OTUD4: variants seen among roughly 807,000 people sequenced by gnomAD.
OTUD4 encodes the protein OTU domain-containing protein 4.
A neutral mutation model predicts 130.4 loss-of-function variants in OTUD4; 24 were observed. That is an observed-to-expected ratio of 0.18 (90% CI 0.13 to 0.26). OTUD4 has a LOEUF of 0.26. Ranked by LOEUF, OTUD4 falls within the 10% of genes least tolerant of loss-of-function variation. The pLI, the probability that OTUD4 is intolerant of heterozygous loss-of-function variation, is 1.00. For synonymous variants in OTUD4, 420 were observed against 472.5 expected, an observed-to-expected ratio of 0.89 and a Z score of 1.44; for missense variants, 1,031 against 1,329.4, an observed-to-expected ratio of 0.78 and a Z score of 3.49.
At chr4:145,171,816 T>C (rs1560999698) in intron 2 of OTUD4, 96 bp from the exon 3 acceptor site, 3 of 716,950 alleles carry the variant, frequency 4.2e-6, no homozygotes, top group Non-Finnish European at 5.1e-6. Context: ...ATTACTGAGT[T>C]TGTACATAAA....
chr4:145,164,190 A>G lies in OTUD4; in HGVS notation c.378T>C (p.Ser126=). Residue 126 remains serine (S), a synonymous_variant, in exon 5 of 21, where the codon TCT becomes TCC. Coordinates refer to ENST00000447906, the MANE Select transcript of OTUD4 (RefSeq NM_001366057.1). ...AATTATTTTCTGTTACTTGTGAAGG[A>G]GAAACATTTGGTTCCCGATAAATTA... is the stretch of plus-strand genomic sequence containing the variant. ...DFIIYREPNV[S]PSQVTENNFP... 1 of 1,442,300 alleles carries G rather than the reference A, an allele frequency of 6.9e-7. No individual in the cohort carries two copies. The highest frequency in any genetic ancestry group is 9.6e-7 in the Non-Finnish European group (1 of 1,045,168). The allele number at this position is 1,442,300 out of a possible 1,614,324, so 89.3% of individuals were successfully genotyped here. A position where few individuals can be genotyped will look rare whatever the true frequency, so the allele number is the denominator to read the frequency against.
Position 145,142,318 on chromosome 4 carries a change from A to G in OTUD4, c.1700T>C (p.Val567Ala). The part of the protein sequence containing the change: ...SPAEQKPAEH[V>A]SLSNPAPLLV... Reference sequence around the variant, plus strand: ...AAGGGGAGCTGGATTTGACAAAGACACATGTTCTGCTGGCTTCTTCAAGAA... The same window carrying G: ...AAGGGGAGCTGGATTTGACAAAGACGCATGTTCTGCTGGCTTCTTCAAGAA... Residue 567 changes from valine to alanine, a missense_variant, in exon 18 of 21, where the codon GTG (valine) becomes GCG (alanine). Physicochemically the swap from Val to Ala is moderately conservative, Grantham distance 64. This residue lies in a region of OTUD4 where 900 missense variants were observed against 1,095.9 expected (regional missense o/e 0.82). Transcript: ENST00000447906. The G allele has an allele frequency of 6.2e-7, 1 of 1,614,002 alleles. No individual in the cohort carries two copies. The highest frequency in any genetic ancestry group is 8.5e-7 in the Non-Finnish European group (1 of 1,179,908).
Position 145,136,417 on chromosome 4 carries a change from G to C in OTUD4, c.*1013C>G, listed in dbSNP as rs1317148860. 3 of 128,410 alleles carry C rather than the reference G, an allele frequency of 2.3e-5. 1 individual carries two copies. The Admixed American group carries it at 3.0e-4, about 13-fold the overall frequency. 8.0% of individuals were successfully genotyped at this position (128,410 alleles called of 1,614,324 possible). A position where few individuals can be genotyped will look rare whatever the true frequency, so the allele number is the denominator to read the frequency against. On this transcript the variant is annotated 3_prime_UTR_variant, in exon 21 of 21. Transcript: ENST00000447906. Reference sequence around the variant, plus strand: ...TATACAATAGTTCCAGCCCTGACAAGTAGAACATGCAAGTGTAAAGTGAAA... The same window carrying C: ...TATACAATAGTTCCAGCCCTGACAACTAGAACATGCAAGTGTAAAGTGAAA...
At chr4:145,165,313 A>G (rs533548135) in intron 3 of OTUD4, 116 bp from the exon 4 acceptor site, 1 of 596,450 alleles carries the variant, frequency 1.7e-6, no homozygotes, top group South Asian at 2.7e-5. Context: ...GCTCATTATT[A>G]TTAGTAGTAT....
chr4:145,145,209 G>A (rs1437450336), intron 14 of OTUD4, among the ~76,000 whole-genome samples: 1 of 152,186 alleles, frequency 6.6e-6, no homozygotes, highest in East Asian at 1.9e-4. Context: ...ATAATGGTAT[G>A]AATACAAGCT....
chr4:145,177,392 T>C (rs1434331925), intron 1 of OTUD4, among the ~76,000 whole-genome samples: 1 of 152,230 alleles, frequency 6.6e-6, no homozygotes, highest in African/African-American at 2.4e-5. Flanking sequence ...TTCTATAAAG[T>C]GTGAGAGTGC....
In OTUD4 at chr4:145,138,300, A is replaced by G. The variant is rs1485746821; in HGVS notation, c.2475T>C (p.Ala825=). 2 of 1,614,124 alleles carry G rather than the reference A, an allele frequency of 1.2e-6. No homozygotes were observed. The highest frequency in any genetic ancestry group is 4.5e-5 in the East Asian group (2 of 44,890). Residue 825 remains alanine, a synonymous_variant, in exon 21 of 21, where the codon GCT becomes GCC. Coordinates refer to ENST00000447906, the MANE Select transcript of OTUD4 (RefSeq NM_001366057.1). ...TGCCACTTAGTGACTCTTCATAATC[A>G]GCATGCAGAAGCTGCCCAGGGGTCT... is the stretch of plus-strand genomic sequence containing the variant. ...ESETPGQLLH[A]DYEESLSGKN...
At chr4:145,162,196 G>A (rs927655286) in intron 6 of OTUD4, among the ~76,000 whole-genome samples, 1 of 152,030 alleles carries the variant, frequency 6.6e-6, no homozygotes, top group Non-Finnish European at 1.5e-5. Flanking sequence ...GGTAATTTAA[G>A]GTTCTTGGAC....
In OTUD4 at chr4:145,138,435, C is replaced by T; in HGVS notation, c.2340G>A (p.Met780Ile). Reference sequence around the variant, plus strand: ...TCGGCGGTCCAATCTCTGGCTGTGGCATTTGACCATTAACACTGGCCTCAG... The same window carrying T: ...TCGGCGGTCCAATCTCTGGCTGTGGTATTTGACCATTAACACTGGCCTCAG... ...MQTEASVNGQMPQPEIGPPTF... is the reference protein window; with the variant it reads ...MQTEASVNGQIPQPEIGPPTF... The change falls in exon 21 of 21, where the codon ATG becomes ATA. Residue 780 changes from methionine to isoleucine, a missense_variant. By Grantham distance (10) the Met-to-Ile change is conservative. Coordinates refer to ENST00000447906, the MANE Select transcript of OTUD4 (RefSeq NM_001366057.1). The T allele has an allele frequency of 6.2e-7, 1 of 1,614,200 alleles. No individual in the cohort carries two copies. Among genetic ancestry groups the T allele is most frequent in the South Asian group, 1.1e-5 (1 of 91,074 alleles).
rs1367672795 is a variant in OTUD4 at position 145,180,179 on chromosome 4, C to CA, written c.-207dup. The CA allele has an allele frequency of 1.1e-5, 2 of 183,294 alleles. No individual in the cohort carries two copies. The highest frequency in any genetic ancestry group is 1.2e-4 in the Admixed American group (2 of 16,054). The allele number at this position is 183,294 out of a possible 1,614,324, so 11.4% of individuals were successfully genotyped here. ...GCCCTGCCTAATGCATGGCTGTCCG[C>CA]ACGCGGCCGCCTCCTCGGAGCGAAC... On this transcript the variant is annotated 5_prime_UTR_variant, in exon 1 of 21. Transcript: ENST00000447906.
intron 7 of OTUD4, 186 bp downstream of exon 7, chr4:145,159,317 G>A: frequency 7.1e-7 from 1 of 1,411,392 alleles, no homozygotes; most frequent in Non-Finnish European, 9.2e-7. Flanking sequence ...AAAACAAACA[G>A]TCCCATAATA....
chr4:145,137,443 C>G lies in OTUD4; in HGVS notation c.3332G>C (p.Gly1111Ala), dbSNP rs760315660. The change falls in exon 21 of 21, where the codon GGA becomes GCA. Residue 1111 changes from glycine to alanine, a missense_variant. By Grantham distance (60) the Gly-to-Ala change is moderately conservative. Transcript: ENST00000447906. ...RRSGMGDGHR[G>A]QHT is the part of the protein sequence containing the mutation. ...CGGCAACAACCATCAAGTGTGCTGT[C>G]CCCTATGGCCATCTCCCATCCCTGA... 1.4e-5 allele frequency: 23 copies of G among 1,608,716 alleles called. No homozygotes were observed. Among genetic ancestry groups the G allele is most frequent in the East Asian group, 8.9e-5 (4 of 44,708 alleles).
Position 145,134,037 on chromosome 4 carries a change from C to G in OTUD4, c.*3393G>C, listed in dbSNP as rs1217760663. 3 of 152,546 alleles carry G rather than the reference C, an allele frequency of 2.0e-5. No homozygotes were observed. The highest frequency in any genetic ancestry group is 4.4e-5 in the Non-Finnish European group (3 of 68,024). 9.4% of individuals were successfully genotyped at this position (152,546 alleles called of 1,614,324 possible). A position where few individuals can be genotyped will look rare whatever the true frequency, so the allele number is the denominator to read the frequency against. ...TTTAATCCATTCAAGTAAGTTCAAC[C>G]CCAAAGTTGCCGCTTCCCAGCATTA... is the stretch of plus-strand genomic sequence containing the variant. On this transcript the variant is annotated 3_prime_UTR_variant, in exon 21 of 21. Transcript: ENST00000447906.
intron 6 of OTUD4, 139 bp from the exon 7 acceptor site, chr4:145,159,774 A>G (rs1751467111): frequency 1.3e-6 from 1 of 749,640 alleles, no homozygotes; most frequent in Non-Finnish European, 2.1e-6. Context: ...CTTATGGTCA[A>G]TAACATAATT....
chr4:145,169,295 C>T (rs1752035771), intron 3 of OTUD4, among the ~76,000 whole-genome samples: 1 of 152,126 alleles, frequency 6.6e-6, no homozygotes, highest in Non-Finnish European at 1.5e-5. Flanking sequence ...GTCAATTTTA[C>T]CTCAAAGCTG....
chr4:145,149,061 T>TG (rs1309126654), intron 13 of OTUD4, among the ~76,000 whole-genome samples: 1 of 152,218 alleles, frequency 6.6e-6, no homozygotes, highest in African/African-American at 2.4e-5. Context: ...CTAGTACCTG[T>TG]GCACATGACC....
chr4:145,151,669 G>T (rs889759691), intron 11 of OTUD4, among the ~76,000 whole-genome samples: 6 of 152,114 alleles, frequency 3.9e-5, no homozygotes, highest in African/African-American at 1.4e-4. Context: ...AACGCTGTTA[G>T]TTGCTAAAAA....
At chr4:145,168,754 T>G (rs1204055902) in intron 3 of OTUD4, among the ~76,000 whole-genome samples, 1 of 152,224 alleles carries the variant, frequency 6.6e-6, no homozygotes, top group Non-Finnish European at 1.5e-5. Context: ...TGGCAGTTTC[T>G]TAAAAATATG....
intron 17 of OTUD4, among the ~76,000 whole-genome samples, chr4:145,142,785 C>T (rs1472322276): frequency 6.6e-6 from 1 of 152,248 alleles, no homozygotes; most frequent in Non-Finnish European, 1.5e-5. Context: ...CCTCATGTAA[C>T]TATATGCTTT....
Sources: gnomAD v4.1 joint callset for allele counts (sites outside exome capture counted in the v4.1 genomes callset) on GRCh38, gnomAD v4.1.1 for gene constraint, gnomAD v4.1.1 regional missense constraint, MANE v1.5 for transcripts, NCBI Gene and HGNC (gene_info 2026-07-23, HGNC 2026-07-21) for gene names.